The following COL25A1 variants were observed in gnomAD, a reference collection of about 807,000 sequenced individuals.
COL25A1 encodes collagen alpha-1(XXV) chain.
Under a neutral mutation model 128.4 loss-of-function variants are expected in COL25A1, and 103 were observed. The ratio of observed to expected loss-of-function variants is 0.80; its 90% CI spans 0.68 to 0.94. The LOEUF (loss-of-function observed/expected upper bound fraction) is 0.94. COL25A1 is among the 40% of genes least tolerant of loss of function. COL25A1 has a pLI of 0.00. For missense variants in COL25A1, 745 were observed against 840.0 expected, an observed-to-expected ratio of 0.89 and a Z score of 1.40; for synonymous variants, 279 against 277.2, an observed-to-expected ratio of 1.01 and a Z score of -0.06.
chr4:108,999,106 T>C (rs1401946625), intron 6 of COL25A1, among the ~76,000 whole-genome samples: 2 of 152,028 alleles, frequency 1.3e-5, no homozygotes, highest in African/African-American at 4.8e-5. Context: ...AAAGCCAAAA[T>C]TGACAAATGG....
At chr4:109,117,830 T>C (rs1767749472) in intron 3 of COL25A1, among the ~76,000 whole-genome samples, 1 of 151,928 alleles carries the variant, frequency 6.6e-6, no homozygotes, top group African/African-American at 2.4e-5. Flanking sequence ...TGGTGTAGTG[T>C]ATTTAGAAAG....
At chr4:109,116,000 A>C (rs1281307585) in intron 3 of COL25A1, among the ~76,000 whole-genome samples, 2 of 152,062 alleles carry the variant, frequency 1.3e-5, no homozygotes, top group Non-Finnish European at 2.9e-5. Context: ...ACGGCTCCAA[A>C]AACTGGGGAG....
At chr4:108,914,536 A>T (rs983601518) in intron 13 of COL25A1, among the ~76,000 whole-genome samples, 56 of 152,006 alleles carry the variant, frequency 3.7e-4, no homozygotes, top group Non-Finnish European at 7.8e-4. Flanking sequence ...CAGCCAGGGG[A>T]TAGAGAACAC....
chr4:109,012,376 C>T (rs1756683847), intron 5 of COL25A1, among the ~76,000 whole-genome samples: 2 of 150,914 alleles, frequency 1.3e-5, no homozygotes, highest in African/African-American at 2.5e-5. Flanking sequence ...TCTGGCTACG[C>T]TTGAGGAGCC....
chr4:108,906,477 T>C (rs1258633101), intron 13 of COL25A1, among the ~76,000 whole-genome samples: 2 of 152,198 alleles, frequency 1.3e-5, no homozygotes, highest in Non-Finnish European at 2.9e-5. Flanking sequence ...CCTTTCTCTA[T>C]TATACCAACT....
chr4:109,219,003 T>C (rs1403521519), intron 3 of COL25A1, among the ~76,000 whole-genome samples: 3 of 152,138 alleles, frequency 2.0e-5, no homozygotes, highest in South Asian at 2.1e-4. Flanking sequence ...AAACTAGTTA[T>C]AGGGAGAATC....
At chr4:109,127,364 C>T (rs1196761476) in intron 3 of COL25A1, among the ~76,000 whole-genome samples, 1 of 149,636 alleles carries the variant, frequency 6.7e-6, no homozygotes, top group African/African-American at 2.4e-5. Flanking sequence ...ATTCTAGTTG[C>T]AACAGTATGC....
At chr4:108,881,348 G>A (rs1740103037) in intron 19 of COL25A1, among the ~76,000 whole-genome samples, 1 of 152,060 alleles carries the variant, frequency 6.6e-6, no homozygotes. Flanking sequence ...AGCAACAGCT[G>A]GTGAATCAAA....
intron 11 of COL25A1, among the ~76,000 whole-genome samples, chr4:108,936,795 T>C (rs149898222): frequency 9.4e-4 from 81 of 86,264 alleles, no homozygotes; most frequent in South Asian, 5.4e-3. Context: ...CCTACCTGTT[T>C]CTTAAATATA....
intron 3 of COL25A1, among the ~76,000 whole-genome samples, chr4:109,130,512 G>A (rs781210071): frequency 7.9e-5 from 12 of 152,136 alleles, no homozygotes; most frequent in African/African-American, 1.4e-4. Context: ...GATAGAAATC[G>A]TTCTGAATCA....
intron 8 of COL25A1, among the ~76,000 whole-genome samples, chr4:108,969,673 C>A (rs1751705227): frequency 6.6e-6 from 1 of 152,158 alleles, no homozygotes; most frequent in African/African-American, 2.4e-5. Flanking sequence ...CTGACACTGA[C>A]CTTTCTACTC....
At chr4:109,102,101 A>T (rs1322086333) in intron 3 of COL25A1, among the ~76,000 whole-genome samples, 1 of 152,194 alleles carries the variant, frequency 6.6e-6, no homozygotes, top group Non-Finnish European at 1.5e-5. Context: ...TATAGAAATC[A>T]ATTGTTTTCA....
intron 6 of COL25A1, among the ~76,000 whole-genome samples, chr4:108,982,055 G>A (rs768096758): frequency 3.3e-5 from 5 of 151,968 alleles, no homozygotes; most frequent in Non-Finnish European, 7.4e-5. Context: ...TTAGCCAGGC[G>A]TGGTGGCATG....
chr4:109,050,177 G>C lies in COL25A1; in HGVS notation c.370C>G (p.Pro124Ala). 6.2e-7 allele frequency: 1 copy of C among 1,606,114 alleles called. No homozygotes were observed. The highest frequency in any genetic ancestry group is 1.1e-5 in the South Asian group (1 of 89,880). The change falls in exon 4 of 38, where the codon CCT becomes GCT. Residue 124 changes from proline to alanine, a missense_variant and splice_region_variant. By Grantham distance (27) the Pro-to-Ala change is conservative. This residue lies in a region of COL25A1 where 319 missense variants were observed against 324.9 expected (regional missense o/e 0.98). Transcript: ENST00000399132. ...APSECNCPAG[P>A]PGKRGKRGRR... ...CCTCTCTTACCTCGTTTCCCTGGAG[G>C]GCCTGAAATACAAAGGATAATTTTT...
intron 8 of COL25A1, among the ~76,000 whole-genome samples, chr4:108,953,603 G>T (rs970973008): frequency 3.9e-5 from 6 of 152,094 alleles, no homozygotes; most frequent in Admixed American, 1.3e-4. Flanking sequence ...GGGGCTGAAA[G>T]GAAACAATAA....
rs142757046 is a variant in COL25A1 at position 108,889,938 on chromosome 4, A to G, written c.907-205T>C. On this transcript the variant is annotated intron_variant, in intron 16 of 37. Transcript: ENST00000399132. ...CTTTGTACCAATATCTCAGCTGTTA[A>G]GATGTCAACAATTTCCAAGATAAAC... Among the ~76,000 whole-genome samples the G allele has an allele frequency of 1.6e-4, 24 of 152,338 alleles. No homozygotes were observed. The East Asian group carries it at 4.0e-3, about 26-fold the overall frequency.
At chr4:109,104,142 G>C (rs560729938) in intron 3 of COL25A1, among the ~76,000 whole-genome samples, 1 of 152,250 alleles carries the variant, frequency 6.6e-6, no homozygotes, top group Admixed American at 6.5e-5. Flanking sequence ...GGAAGCTGAG[G>C]TGGGAGGATC....
At chr4:108,851,084 A>G (rs1322320506) in intron 26 of COL25A1, among the ~76,000 whole-genome samples, 3 of 152,152 alleles carry the variant, frequency 2.0e-5, no homozygotes, top group Non-Finnish European at 2.9e-5. Flanking sequence ...ACACAAAGGA[A>G]AAAAAGAAAT....
chr4:108,831,611 G>C (rs534089637), intron 32 of COL25A1, among the ~76,000 whole-genome samples: 1 of 151,146 alleles, frequency 6.6e-6, no homozygotes, highest in Admixed American at 6.6e-5. Context: ...ATTCCACTCA[G>C]ACACACAAAA....
Sources: gnomAD v4.1 joint callset for allele counts (sites outside exome capture counted in the v4.1 genomes callset) on GRCh38, gnomAD v4.1.1 for gene constraint, gnomAD v4.1.1 regional missense constraint, MANE v1.5 for transcripts, NCBI Gene and HGNC (gene_info 2026-07-23, HGNC 2026-07-21) for gene names.